FOXP4: variants seen among roughly 807,000 people sequenced by gnomAD.
FOXP4 encodes forkhead box P4.
In FOXP4, 25 loss-of-function variants were observed where a neutral mutation model predicts 82.6. The observed-to-expected ratio is 0.30, with a 90% CI of 0.22 to 0.42. The LOEUF is 0.42. Ranked by LOEUF, FOXP4 falls within the 10% of genes least tolerant of loss-of-function variation. The pLI is 1.00. For synonymous variants in FOXP4, 415 were observed against 388.2 expected (o/e 1.07, Z -0.81); for missense variants, 785 against 900.9 (o/e 0.87, Z 1.65).
chr6:41,570,957 C>G (rs957985336), intron 2 of FOXP4, among the ~76,000 whole-genome samples: 4 of 152,166 alleles, frequency 2.6e-5, no homozygotes, highest in African/African-American at 9.7e-5. Context: ...CCCCCACCAC[C>G]ACTGCCCCCA....
chr6:41,551,308 A>G (rs563149708), intron 1 of FOXP4, among the ~76,000 whole-genome samples: 1 of 152,176 alleles, frequency 6.6e-6, no homozygotes, highest in Non-Finnish European at 1.5e-5. Context: ...CGGGCTGGAC[A>G]TGCCTGGGCC....
chr6:41,596,281 T>C (rs1032695447), intron 14 of FOXP4, among the ~76,000 whole-genome samples: 2 of 152,202 alleles, frequency 1.3e-5, no homozygotes, highest in African/African-American at 4.8e-5. Flanking sequence ...AGCAGTGGCC[T>C]TCTCCCGACC....
At position 41,587,817 on chromosome 6, in the gene FOXP4, C is replaced by T. The variant is rs1371187674; in HGVS notation, c.897C>T (p.Gly299=). The stretch of plus-strand genomic sequence containing the variant: ...GCTCTTCCCACGAGGAGACCCCCGG[C>T]TCCCACCCCCTGTACGGACACGGAG... ...RDSSSHEETP[G]SHPLYGHGEC... The change falls in exon 8 of 17, where the codon GGC becomes GGT. Residue 299 remains glycine, a synonymous_variant. Transcript: ENST00000307972. The T allele has an allele frequency of 6.4e-7, 1 of 1,568,134 alleles. No homozygotes were observed. Among genetic ancestry groups the T allele is most frequent in the Non-Finnish European group, 8.7e-7 (1 of 1,154,950 alleles).
intron 2 of FOXP4, 77 bp from the exon 3 acceptor site, chr6:41,577,909 A>G: frequency 1.9e-6 from 2 of 1,048,010 alleles, no homozygotes. Flanking sequence ...CCTTCTCCTT[A>G]CTGCCCCAAA....
In FOXP4 at chr6:41,585,417, C is replaced by T. The variant is rs769729110; in HGVS notation, c.424-14C>T. On this transcript the variant is annotated splice_polypyrimidine_tract_variant and intron_variant, in intron 4 of 16. Transcript: ENST00000307972. ...CAGTACCCTGCCAGTGGTAACCCTCCTCCACCCCCCCAGCTACAGGAGTAC... is the reference window on the plus strand; with the variant it reads ...CAGTACCCTGCCAGTGGTAACCCTCTTCCACCCCCCCAGCTACAGGAGTAC... 3.1e-6 allele frequency: 5 copies of T among 1,613,056 alleles called. No individual in the cohort carries two copies. The South Asian group carries it at 3.3e-5, about 11-fold the overall frequency.
intron 3 of FOXP4, 71 bp downstream of exon 3, chr6:41,578,152 G>A: frequency 7.5e-7 from 1 of 1,333,540 alleles, no homozygotes; most frequent in Admixed American, 1.9e-5. Context: ...GGAGGGCAAG[G>A]ACCCGTTGGA....
At chr6:41,594,843 C>T (rs757214693) in intron 13 of FOXP4, 27 bp from the exon 14 acceptor site, 3 of 1,613,086 alleles carry the variant, frequency 1.9e-6, no homozygotes, top group Non-Finnish European at 2.5e-6. Context: ...CAAGCCGCCT[C>T]TGAGCTCCTC....
intron 2 of FOXP4, among the ~76,000 whole-genome samples, chr6:41,572,532 C>T (rs1406685291): frequency 6.6e-6 from 1 of 152,168 alleles, no homozygotes; most frequent in East Asian, 1.9e-4. Flanking sequence ...AATAGGCTTT[C>T]CTGGGGATGC....
At chr6:41,554,390 G>A (rs1764164813) in intron 1 of FOXP4, among the ~76,000 whole-genome samples, 3 of 152,216 alleles carry the variant, frequency 2.0e-5, no homozygotes. Context: ...GCATTTCTGT[G>A]TGGAAAGGAT....
At chr6:41,547,109 C>G (rs1007176134) in intron 1 of FOXP4, among the ~76,000 whole-genome samples, 1 of 151,774 alleles carries the variant, frequency 6.6e-6, no homozygotes, top group Non-Finnish European at 1.5e-5. Flanking sequence ...GCCCCTGGCC[C>G]GGGCCCCAGC....
intron 1 of FOXP4, among the ~76,000 whole-genome samples, chr6:41,553,241 G>A (rs935525529): frequency 2.6e-5 from 4 of 151,020 alleles, no homozygotes; most frequent in African/African-American, 4.9e-5. Flanking sequence ...GATCCCCATC[G>A]ACGAGATTTC....
chr6:41,602,041 C>T lies in FOXP4; in HGVS notation c.*3105C>T, dbSNP rs998113829. The T allele has an allele frequency of 2.0e-5, 3 of 152,312 alleles. No individual in the cohort carries two copies. The highest frequency in any genetic ancestry group is 6.5e-5 in the Admixed American group (1 of 15,286). 9.4% of individuals were successfully genotyped at this position (152,312 alleles called of 1,614,324 possible). On this transcript the variant is annotated 3_prime_UTR_variant, in exon 17 of 17. Coordinates refer to ENST00000307972, the MANE Select transcript of FOXP4 (RefSeq NM_001012426.2). ...TCTCAGGCATGTCTTTTGTCCTTTT[C>T]GTCCATCTATTTCTGTCTGTCGCTC...
intron 5 of FOXP4, 148 bp from the exon 6 acceptor site, chr6:41,586,861 G>A: frequency 7.5e-7 from 1 of 1,336,586 alleles, no homozygotes. Context: ...GCTGGGCCGG[G>A]AGCAGAGACA....
Position 41,602,347 on chromosome 6 carries a change from G to A in FOXP4, c.*3411G>A, listed in dbSNP as rs1000708064. Reference sequence around the variant, plus strand: ...TAGCTGCATGTAATCTGTGGACAATGGCATTCTCTACAATGCAATAAAAAC... The same window carrying A: ...TAGCTGCATGTAATCTGTGGACAATAGCATTCTCTACAATGCAATAAAAAC... On this transcript the variant is annotated 3_prime_UTR_variant, in exon 17 of 17. Coordinates refer to ENST00000307972, the MANE Select transcript of FOXP4 (RefSeq NM_001012426.2). The A allele has an allele frequency of 2.0e-5, 3 of 152,202 alleles. No homozygotes were observed. The highest frequency in any genetic ancestry group is 4.1e-4 in the South Asian group (2 of 4,828). The allele number at this position is 152,202 out of a possible 1,614,324, so 9.4% of individuals were successfully genotyped here. A position where few individuals can be genotyped will look rare whatever the true frequency, so the allele number is the denominator to read the frequency against.
chr6:41,579,779 GATTC>G (rs978966354), intron 3 of FOXP4, among the ~76,000 whole-genome samples: 3 of 152,120 alleles, frequency 2.0e-5, no homozygotes, highest in African/African-American at 7.2e-5. Context: ...TTCATTGATT[GATTC>G]ATTCATTCAT....
chr6:41,589,930 C>G, intron 10 of FOXP4, 33 bp from the exon 11 acceptor site: 1 of 1,610,330 alleles, frequency 6.2e-7, no homozygotes, highest in African/African-American at 1.3e-5. Flanking sequence ...CACCCTCGGG[C>G]ACTGGTCTCA....
chr6:41,557,361 T>A (rs1309834292), intron 1 of FOXP4, among the ~76,000 whole-genome samples: 1 of 152,168 alleles, frequency 6.6e-6, no homozygotes, highest in Non-Finnish European at 1.5e-5. Flanking sequence ...TCAAGAACCT[T>A]AAAAATATGC....
intron 2 of FOXP4, among the ~76,000 whole-genome samples, chr6:41,569,067 C>T (rs1056824809): frequency 6.6e-6 from 1 of 152,200 alleles, no homozygotes; most frequent in African/African-American, 2.4e-5. Flanking sequence ...CTTCCACCTC[C>T]TTCATCCCAG....
In FOXP4 at chr6:41,591,308, A is replaced by G. The variant is rs1210969784; in HGVS notation, c.1522A>G (p.Thr508Ala). ...TRMFAYFRRN[T>A]ATWKNAVRHN... ...GATGTTCGCCTATTTCCGCAGAAACACTGCCACCTGGAAGGTGAAGCAGGC... is the reference window on the plus strand; with the variant it reads ...GATGTTCGCCTATTTCCGCAGAAACGCTGCCACCTGGAAGGTGAAGCAGGC... Residue 508 changes from threonine to alanine, a missense_variant, in exon 13 of 17, where the codon ACT (threonine) becomes GCT (alanine). By Grantham distance (58) the Thr-to-Ala change is moderately conservative (BLOSUM62 0). Around this residue, in one of 3 missense-constraint regions of FOXP4, gnomAD observed 31 missense variants for 79.6 expected, o/e 0.39. Transcript: ENST00000307972. The surrounding 1 kb of genome is among the most constrained non-coding windows in gnomAD (Gnocchi z 4.2). The G allele has an allele frequency of 1.2e-6, 2 of 1,602,158 alleles. No homozygotes were observed. The highest frequency in any genetic ancestry group is 1.7e-6 in the Non-Finnish European group (2 of 1,173,936).
Sources: allele counts gnomAD v4.1 joint callset (sites outside exome capture counted in the v4.1 genomes callset), GRCh38; gene constraint gnomAD v4.1.1; regional missense constraint gnomAD v4.1.1; non-coding constraint Gnocchi (gnomAD v3.1); transcripts MANE v1.5; gene names NCBI Gene and HGNC (gene_info 2026-07-23, HGNC 2026-07-21).